The following PAPPA variants were observed in gnomAD, a reference collection of about 807,000 sequenced individuals.
PAPPA encodes the protein pappalysin 1, also known as pappalysin-1.
PAPPA carries 60 observed loss-of-function variants against 164.0 expected under a neutral mutation model. The ratio of observed to expected loss-of-function variants is 0.37; its 90% CI spans 0.30 to 0.45. The LOEUF is 0.45. PAPPA is among the 20% of genes least tolerant of loss of function. The pLI, the probability that PAPPA is intolerant of heterozygous loss-of-function variation, is 1.00. For synonymous variants in PAPPA, 875 were observed against 814.1 expected, an observed-to-expected ratio of 1.07 and a Z score of -1.27; for missense variants, 1,782 against 2,087.3, an observed-to-expected ratio of 0.85 and a Z score of 2.85.
chr9:116,235,636 A>C lies in PAPPA; in HGVS notation c.2731A>C (p.Met911Leu). The C allele has an allele frequency of 6.2e-7, 1 of 1,612,948 alleles. No individual in the cohort carries two copies. Among genetic ancestry groups the C allele is most frequent in the Non-Finnish European group, 8.5e-7 (1 of 1,179,834 alleles). Residue 911 changes from methionine to leucine, a missense_variant and splice_region_variant, in exon 7 of 22, where the codon ATG becomes CTG. Met to Leu is a conservative substitution (Grantham distance 15). Around this residue, in one of 2 missense-constraint regions of PAPPA, gnomAD observed 1,324 missense variants for 1,656.9 expected, o/e 0.80. Transcript: ENST00000328252. ...ILHLNRKFVD[M>L]DLNLGSVYQY... is the part of the protein sequence containing the mutation. ...ACATCTCAATAGGAAATTCGTAGAC[A>C]TGTAAGTGCATTCTCTGAATAGGGA...
chr9:116,303,673 C>A (rs181326221), intron 10 of PAPPA, among the ~76,000 whole-genome samples: 1 of 152,308 alleles, frequency 6.6e-6, no homozygotes, highest in Non-Finnish European at 1.5e-5. Context: ...GTGCTTCTGG[C>A]TGCCTGGCCT....
At chr9:116,376,916 G>T (rs1429719980) in intron 19 of PAPPA, among the ~76,000 whole-genome samples, 1 of 152,080 alleles carries the variant, frequency 6.6e-6, no homozygotes, top group African/African-American at 2.4e-5. Context: ...TGAACCATAG[G>T]TTGGTTCATA....
At chr9:116,248,255 A>C (rs2118773401) in intron 7 of PAPPA, among the ~76,000 whole-genome samples, 1 of 152,304 alleles carries the variant, frequency 6.6e-6, no homozygotes, top group African/African-American at 2.4e-5. Flanking sequence ...ATAAGAGAGA[A>C]AACACACCAT....
At position 116,375,929 on chromosome 9, in the gene PAPPA, T is replaced by A. The variant is rs534293174; in HGVS notation, c.4606-1647T>A. ...ACTACACATCTAAGCATGTACCATT[T>A]TATTTTATTTCATTTTATTCTTTAA... On this transcript the variant is annotated intron_variant, in intron 19 of 21. Transcript: ENST00000328252. Among the ~76,000 whole-genome samples the A allele has an allele frequency of 6.6e-5, 10 of 152,346 alleles. No individual in the cohort carries two copies. In the East Asian group the frequency reaches 1.7e-3, roughly 26 times the overall value.
In PAPPA at chr9:116,283,433, C is replaced by T. The variant is rs527940736; in HGVS notation, c.2953+12017C>T. On this transcript the variant is annotated intron_variant, in intron 9 of 21. Transcript: ENST00000328252. ...GGTTTTTCTCTATACAGTGAGTGCA[C>T]CAGTCCTAAAGGAAACTACTCCAGG... 2.6e-5 allele frequency among the ~76,000 whole-genome samples: 4 copies of T among 152,138 alleles called. No individual in the cohort carries two copies. The East Asian group carries it at 7.7e-4, about 29-fold the overall frequency.
At chr9:116,389,054 A>G (rs1846854579) in intron 21 of PAPPA, among the ~76,000 whole-genome samples, 1 of 152,152 alleles carries the variant, frequency 6.6e-6, no homozygotes, top group Non-Finnish European at 1.5e-5. Flanking sequence ...CTACATTGAC[A>G]AAGGGCTGGA....
Position 116,198,917 on chromosome 9 carries a change from GT to G in PAPPA, c.1479-8530del, listed in dbSNP as rs143933478. Among the ~76,000 whole-genome samples, 1,545 of 150,932 alleles carry G rather than the reference GT, an allele frequency of 0.01. 34 individuals carry two copies. In the East Asian group the frequency reaches 0.11, roughly 10 times the overall value. On this transcript the variant is annotated intron_variant, in intron 2 of 21. Coordinates refer to ENST00000328252, the MANE Select transcript of PAPPA (RefSeq NM_002581.5). Reference sequence around the variant, plus strand: ...TGAGGGACCTCATACATGGTGGAGTGTTTTTTTTTCCCCTTTTGAATGCTTT... The same window carrying G: ...TGAGGGACCTCATACATGGTGGAGTGTTTTTTTTCCCCTTTTGAATGCTTT...
intron 5 of PAPPA, among the ~76,000 whole-genome samples, chr9:116,225,575 C>T (rs1844496120): frequency 6.6e-6 from 1 of 152,134 alleles, no homozygotes; most frequent in Admixed American, 6.6e-5. Context: ...CATGAAGTTG[C>T]ATAATATTTA....
rs1844722563 is a variant in PAPPA at position 116,240,499 on chromosome 9, T to C, written c.2732+4862T>C. On this transcript the variant is annotated intron_variant, in intron 7 of 21. Transcript: ENST00000328252. ...ACAATTATAGACACAAGGTAAGCAC[T>C]GAGAAAATGTTCTTTAAATGGTTCT... Among the ~76,000 whole-genome samples, 3 of 152,176 alleles carry C rather than the reference T, an allele frequency of 2.0e-5. No homozygotes were observed. In the South Asian group the frequency reaches 6.2e-4, roughly 31 times the overall value.
rs192859028 is a variant in PAPPA at position 116,373,585 on chromosome 9, T to C, written c.4606-3991T>C. On this transcript the variant is annotated intron_variant, in intron 19 of 21. Transcript: ENST00000328252. ...GCTCTCTTAGATGCTTTCTCACATG[T>C]CTTTGGCTCTGCTTGGGGCCTGTCT... 2.2e-3 allele frequency: 339 copies of C among 152,186 alleles called. 1 individual carries two copies. The highest frequency in any genetic ancestry group is 7.7e-3 in the African/African-American group (318 of 41,524). The allele number at this position is 152,186 out of a possible 1,614,324, so 9.4% of individuals were successfully genotyped here.
At position 116,324,712 on chromosome 9, in the gene PAPPA, G is replaced by C. The variant is rs558829237; in HGVS notation, c.3148-6532G>C. On this transcript the variant is annotated intron_variant, in intron 10 of 21. Transcript: ENST00000328252. ...ATATTTGAGAGTGGCTTTGAAATGC[G>C]TGTAGTATTTCACAAAATGGGCAAT... Among the ~76,000 whole-genome samples, 8 of 152,316 alleles carry C rather than the reference G, an allele frequency of 5.3e-5. No individual in the cohort carries two copies. The East Asian group carries it at 1.5e-3, about 29-fold the overall frequency.
intron 13 of PAPPA, among the ~76,000 whole-genome samples, chr9:116,336,646 G>T (rs1846065749): frequency 6.6e-6 from 1 of 152,170 alleles, no homozygotes; most frequent in Non-Finnish European, 1.5e-5. Context: ...TAAATAGTAG[G>T]AAATATTTAA....
intron 10 of PAPPA, among the ~76,000 whole-genome samples, chr9:116,328,826 C>T (rs1313142257): frequency 2.6e-5 from 4 of 152,076 alleles, no homozygotes; most frequent in South Asian, 2.1e-4. Context: ...ACCCAACATT[C>T]GGATGTGCAA....
Position 116,367,616 on chromosome 9 carries a change from A to G in PAPPA, c.4496-29A>G, listed in dbSNP as rs56684577. 1.9e-3 allele frequency: 2,944 copies of G among 1,552,004 alleles called. 49 individuals carry two copies. The African/African-American group carries it at 0.034, about 18-fold the overall frequency. On this transcript the variant is annotated intron_variant, in intron 18 of 21. Transcript: ENST00000328252. Reference sequence around the variant, plus strand: ...GCAGATGTTGAGGGTCTCGGGCCTGAGCTGCGCCTCATGCTGTACTTCCCT... The same window carrying G: ...GCAGATGTTGAGGGTCTCGGGCCTGGGCTGCGCCTCATGCTGTACTTCCCT...
chr9:116,178,881 G>A (rs1265283954), intron 1 of PAPPA, among the ~76,000 whole-genome samples: 2 of 152,146 alleles, frequency 1.3e-5, no homozygotes, highest in African/African-American at 2.4e-5. Context: ...ACCTTTCTAC[G>A]TCCATGCAGA....
At chr9:116,339,377 C>T (rs1846104862) in intron 13 of PAPPA, among the ~76,000 whole-genome samples, 1 of 152,090 alleles carries the variant, frequency 6.6e-6, no homozygotes, top group African/African-American at 2.4e-5. Context: ...ACTCAGCTCG[C>T]TTGAACCCTG....
chr9:116,181,056 T>C (rs1843898774), intron 1 of PAPPA, among the ~76,000 whole-genome samples: 1 of 152,236 alleles, frequency 6.6e-6, no homozygotes, highest in South Asian at 2.1e-4. Flanking sequence ...CACCTTGCTC[T>C]ACTCAAAACA....
chr9:116,350,932 T>C (rs571264300), intron 15 of PAPPA, among the ~76,000 whole-genome samples: 41 of 152,306 alleles, frequency 2.7e-4, no homozygotes, highest in Admixed American at 4.6e-4. Flanking sequence ...CCCTATGGGG[T>C]TTACAGACAC....
chr9:116,170,898 CT>C (rs1843769130), intron 1 of PAPPA, among the ~76,000 whole-genome samples: 1 of 151,400 alleles, frequency 6.6e-6, no homozygotes, highest in African/African-American at 2.4e-5. Context: ...AAAAAATCCC[CT>C]GAGACATCTT....
Sources: gnomAD v4.1 joint callset for allele counts (sites outside exome capture counted in the v4.1 genomes callset) on GRCh38, gnomAD v4.1.1 for gene constraint, gnomAD v4.1.1 regional missense constraint, MANE v1.5 for transcripts, NCBI Gene and HGNC (gene_info 2026-07-23, HGNC 2026-07-21) for gene names.